The following DYM variants were observed in gnomAD, a reference collection of about 807,000 sequenced individuals.
The protein encoded by DYM is dymeclin.
A neutral mutation model predicts 93.1 loss-of-function variants in DYM; 78 were observed. The ratio of observed to expected loss-of-function variants is 0.84; its 90% CI spans 0.70 to 1.01. The LOEUF is 1.01. Ranked by LOEUF, DYM falls within the 50% of genes least tolerant of loss-of-function variation. The pLI, the probability that DYM is intolerant of heterozygous loss-of-function variation, is 0.00. For missense variants in DYM, 789 were observed against 845.0 expected (o/e 0.93, Z 0.82); for synonymous variants, 321 against 319.7 (o/e 1.00, Z -0.04).
intron 17 of DYM, among the ~76,000 whole-genome samples, chr18:49,081,206 T>C (rs535478144): frequency 6.7e-6 from 1 of 150,248 alleles, no homozygotes. Flanking sequence ...CACTCCAGCC[T>C]GGGCACCATT....
chr18:49,318,379 G>C (rs1163336180), intron 8 of DYM, among the ~76,000 whole-genome samples: 8 of 152,190 alleles, frequency 5.3e-5, no homozygotes, highest in Admixed American at 5.2e-4. Flanking sequence ...CAGCACTTTG[G>C]GAGGCCAAGG....
chr18:49,336,539 A>T (rs1048020238), intron 6 of DYM, among the ~76,000 whole-genome samples: 3 of 152,208 alleles, frequency 2.0e-5, no homozygotes, highest in Non-Finnish European at 4.4e-5. Flanking sequence ...CCATTTCCCC[A>T]AATTCCTAAA....
chr18:49,252,078 G>A (rs2094299852), intron 13 of DYM, among the ~76,000 whole-genome samples: 1 of 151,444 alleles, frequency 6.6e-6, no homozygotes, highest in Non-Finnish European at 1.5e-5. Context: ...GCCAGGCATG[G>A]TGGCATGCAC....
intron 17 of DYM, among the ~76,000 whole-genome samples, chr18:49,066,495 T>A (rs2076397364): frequency 6.6e-6 from 1 of 152,222 alleles, no homozygotes. Context: ...GTACCACAAC[T>A]TATTAATTAA....
intron 13 of DYM, among the ~76,000 whole-genome samples, chr18:49,247,764 C>A (rs2094202452): frequency 3.9e-5 from 6 of 152,164 alleles, no homozygotes; most frequent in Admixed American, 3.9e-4. Context: ...CCCTGTTGTA[C>A]AATACTAGCA....
chr18:49,433,348 T>A (rs147477997), intron 1 of DYM, among the ~76,000 whole-genome samples: 140 of 152,346 alleles, frequency 9.2e-4, no homozygotes, highest in African/African-American at 3.2e-3. Context: ...AGAAAGGTCA[T>A]GTAATCATAG....
At chr18:49,288,446 C>A (rs1568177417) in intron 8 of DYM, among the ~76,000 whole-genome samples, 1 of 151,986 alleles carries the variant, frequency 6.6e-6, no homozygotes, top group Non-Finnish European at 1.5e-5. Flanking sequence ...AATGTAAAGG[C>A]ATAACATGTT....
chr18:49,334,391 T>C (rs536200484), intron 6 of DYM, among the ~76,000 whole-genome samples: 2 of 152,358 alleles, frequency 1.3e-5, no homozygotes, highest in South Asian at 4.1e-4. Context: ...AAACAAGTTA[T>C]TCCTGTTTTA....
At chr18:49,178,360 G>C (rs752647860) in intron 14 of DYM, among the ~76,000 whole-genome samples, 1 of 151,454 alleles carries the variant, frequency 6.6e-6, no homozygotes, top group East Asian at 1.9e-4. Flanking sequence ...TAGTACATCA[G>C]TACATGCTCA....
Position 49,256,883 on chromosome 18 carries a change from G to C in DYM, c.1460+127C>G, listed in dbSNP as rs897740531. ...GAGCTATTTTCAACCAAACAAGAAGGTGATAAAAATTAAGTAGGAAAATTT... is the reference window on the plus strand; with the variant it reads ...GAGCTATTTTCAACCAAACAAGAAGCTGATAAAAATTAAGTAGGAAAATTT... On this transcript the variant is annotated intron_variant, in intron 13 of 17. Coordinates refer to ENST00000675505, the MANE Select transcript of DYM (RefSeq NM_001353214.3). 7.9e-6 allele frequency: 6 copies of C among 758,004 alleles called. No homozygotes were observed. In the African/African-American group the frequency reaches 1.0e-4, roughly 13 times the overall value. 47.0% of individuals were successfully genotyped at this position (758,004 alleles called of 1,614,324 possible). A position where few individuals can be genotyped will look rare whatever the true frequency, so the allele number is the denominator to read the frequency against.
At chr18:49,207,537 T>C (rs2092577548) in intron 14 of DYM, among the ~76,000 whole-genome samples, 1 of 152,204 alleles carries the variant, frequency 6.6e-6, no homozygotes, top group African/African-American at 2.4e-5. Context: ...TATGGAATGT[T>C]AAGGAAAGCA....
intron 5 of DYM, among the ~76,000 whole-genome samples, chr18:49,371,436 G>A (rs1418696943): frequency 6.6e-6 from 1 of 152,118 alleles, no homozygotes; most frequent in Non-Finnish European, 1.5e-5. Flanking sequence ...CTGTGCCACT[G>A]CACTCTAGCC....
intron 13 of DYM, among the ~76,000 whole-genome samples, chr18:49,248,784 A>C (rs906659864): frequency 3.3e-5 from 5 of 152,252 alleles, no homozygotes; most frequent in African/African-American, 1.2e-4. Context: ...TTAGATATAA[A>C]AAATATTATT....
intron 9 of DYM, among the ~76,000 whole-genome samples, 156 bp downstream of exon 9, chr18:49,286,268 GACCTTCCTGA>G (rs2059656678): frequency 6.6e-6 from 1 of 152,140 alleles, no homozygotes; most frequent in African/African-American, 2.4e-5. Context: ...AAGGATGCTT[GACCTTCCTGA>G]TAATATTGAC....
intron 4 of DYM, among the ~76,000 whole-genome samples, chr18:49,379,153 CTTTATTGGATTCAATGTAATTTG>C (rs1308512720): frequency 1.3e-5 from 2 of 152,068 alleles, no homozygotes; most frequent in African/African-American, 4.8e-5. Context: ...CCAAGAAAAA[CTTTATTGGATTCAATGTAATTTG>C]TTTATAAGCA....
chr18:49,160,991 C>T (rs1190486474), intron 15 of DYM, among the ~76,000 whole-genome samples: 1 of 151,644 alleles, frequency 6.6e-6, no homozygotes, highest in African/African-American at 2.4e-5. Flanking sequence ...TAACCATTCT[C>T]TTCAATTAAA....
intron 17 of DYM, chr18:49,049,839 T>G (rs2072155421): frequency 6.5e-6 from 1 of 154,318 alleles, no homozygotes; most frequent in Admixed American, 6.5e-5. Flanking sequence ...GGCAACTGAC[T>G]CTTAATAATA....
intron 13 of DYM, among the ~76,000 whole-genome samples, chr18:49,216,125 A>G (rs2093029024): frequency 6.6e-6 from 1 of 152,176 alleles, no homozygotes; most frequent in Non-Finnish European, 1.5e-5. Context: ...GGAGGGTCCT[A>G]CACCCACGGA....
intron 15 of DYM, among the ~76,000 whole-genome samples, chr18:49,152,868 CA>C (rs752331607): frequency 6.6e-6 from 1 of 151,640 alleles, no homozygotes; most frequent in African/African-American, 2.4e-5. Context: ...GAGACAGAGA[CA>C]AAAAGGGAAA....
Sources: gnomAD v4.1 joint callset for allele counts (sites outside exome capture counted in the v4.1 genomes callset) on GRCh38, gnomAD v4.1.1 for gene constraint, MANE v1.5 for transcripts, NCBI Gene and HGNC (gene_info 2026-07-23, HGNC 2026-07-21) for gene names.